The following GRID2 variants were observed in gnomAD, a reference collection of about 807,000 sequenced individuals.
The protein encoded by GRID2 is glutamate ionotropic receptor delta type subunit 2.
Under a neutral mutation model 114.8 loss-of-function variants are expected in GRID2, and 33 were observed. That is an observed-to-expected ratio of 0.29 (90% CI 0.22 to 0.38). GRID2 has a LOEUF of 0.38. Ranked by LOEUF, GRID2 falls within the 10% of genes least tolerant of loss-of-function variation. The pLI, the probability that GRID2 is intolerant of heterozygous loss-of-function variation, is 1.00. For missense variants in GRID2, 1,184 were observed against 1,257.7 expected, an observed-to-expected ratio of 0.94 and a Z score of 0.89; for synonymous variants, 505 against 449.9, an observed-to-expected ratio of 1.12 and a Z score of -1.55.
intron 2 of GRID2, among the ~76,000 whole-genome samples, chr4:92,824,279 T>A (rs1026597687): frequency 6.6e-6 from 1 of 152,172 alleles, no homozygotes; most frequent in Non-Finnish European, 1.5e-5. Flanking sequence ...TATCATTACT[T>A]GTGTATTTGA....
intron 4 of GRID2, among the ~76,000 whole-genome samples, chr4:93,137,998 G>A (rs563977174): frequency 4.5e-5 from 5 of 110,670 alleles, no homozygotes; most frequent in Non-Finnish European, 7.0e-5. Context: ...TTTGAGATAG[G>A]GCCTAGCTCT....
chr4:92,568,562 A>T (rs1216138824), intron 1 of GRID2, among the ~76,000 whole-genome samples: 1 of 152,010 alleles, frequency 6.6e-6, no homozygotes, highest in Non-Finnish European at 1.5e-5. Flanking sequence ...TTTCATTAAA[A>T]AATATGTATT....
intron 13 of GRID2, among the ~76,000 whole-genome samples, chr4:93,564,340 A>T (rs1261393579): frequency 1.3e-5 from 2 of 151,586 alleles, no homozygotes; most frequent in Non-Finnish European, 2.9e-5. Flanking sequence ...TTCCTTTCCT[A>T]TTTCTCAGAT....
At chr4:92,789,193 ATCTG>A (rs748920330) in intron 2 of GRID2, among the ~76,000 whole-genome samples, 2 of 151,538 alleles carry the variant, frequency 1.3e-5, no homozygotes, top group Non-Finnish European at 3.0e-5. Flanking sequence ...TTTGTAAGTG[ATCTG>A]TCTGTCACAC....
At chr4:92,863,022 C>A (rs1235322279) in intron 2 of GRID2, among the ~76,000 whole-genome samples, 2 of 152,044 alleles carry the variant, frequency 1.3e-5, no homozygotes, top group Admixed American at 6.6e-5. Flanking sequence ...TTTAGTCTAT[C>A]AACTGATTAA....
At chr4:92,757,240 T>A (rs904262971) in intron 2 of GRID2, among the ~76,000 whole-genome samples, 8 of 152,080 alleles carry the variant, frequency 5.3e-5, no homozygotes, top group African/African-American at 1.9e-4. Flanking sequence ...GAATACATTG[T>A]GGAGGCCACT....
intron 2 of GRID2, among the ~76,000 whole-genome samples, chr4:93,020,474 A>G (rs1388361625): frequency 2.0e-5 from 3 of 152,210 alleles, no homozygotes. Flanking sequence ...ACTGTGGCAA[A>G]AGGATTCTCA....
intron 2 of GRID2, among the ~76,000 whole-genome samples, chr4:92,710,560 C>G (rs570450894): frequency 6.6e-6 from 1 of 152,262 alleles, no homozygotes; most frequent in South Asian, 2.1e-4. Context: ...GTCCTGGTGA[C>G]GACTACACTT....
At chr4:92,678,738 GCAT>G (rs1733506430) in intron 2 of GRID2, among the ~76,000 whole-genome samples, 1 of 151,876 alleles carries the variant, frequency 6.6e-6, no homozygotes. Context: ...GAGAGTGTAA[GCAT>G]TTATGAAACG....
chr4:92,860,041 T>C (rs1376663103), intron 2 of GRID2, among the ~76,000 whole-genome samples: 2 of 152,184 alleles, frequency 1.3e-5, no homozygotes, highest in Non-Finnish European at 2.9e-5. Context: ...GTAATAATCA[T>C]ATTTAGTACT....
At chr4:93,405,929 G>A (rs1766367187) in intron 9 of GRID2, among the ~76,000 whole-genome samples, 1 of 152,108 alleles carries the variant, frequency 6.6e-6, no homozygotes, top group Non-Finnish European at 1.5e-5. Flanking sequence ...CACATTAGTA[G>A]CTATTAAAGC....
intron 14 of GRID2, among the ~76,000 whole-genome samples, chr4:93,677,155 C>T (rs1445644414): frequency 6.6e-6 from 1 of 152,202 alleles, no homozygotes; most frequent in East Asian, 1.9e-4. Flanking sequence ...GGGTCCTATG[C>T]CCACGGAGGC....
chr4:93,350,763 A>C (rs1760720355), intron 8 of GRID2, among the ~76,000 whole-genome samples: 1 of 152,074 alleles, frequency 6.6e-6, no homozygotes, highest in South Asian at 2.1e-4. Flanking sequence ...GCAGAACCAG[A>C]CACCAAATCC....
intron 2 of GRID2, among the ~76,000 whole-genome samples, chr4:92,723,607 A>T (rs146937255): frequency 5.9e-5 from 9 of 152,246 alleles, no homozygotes; most frequent in Non-Finnish European, 1.0e-4. Flanking sequence ...TTAGGTAGTT[A>T]CTTCTTTATT....
At chr4:93,768,213 G>A (rs1365271596) in intron 14 of GRID2, among the ~76,000 whole-genome samples, 2 of 152,234 alleles carry the variant, frequency 1.3e-5, no homozygotes, top group Non-Finnish European at 2.9e-5. Flanking sequence ...AATAGGCCTG[G>A]CAGGCCCTGG....
chr4:92,411,655 G>GTGTGTGTATATATATA, intron 1 of GRID2, among the ~76,000 whole-genome samples: 8 of 84,688 alleles, frequency 9.4e-5, no homozygotes, highest in African/African-American at 4.1e-4. Context: ...GTGTGTGTGT[G>GTGTGTGTATATATATA]TATATATATA....
At chr4:93,022,908 A>T (rs773560035) in intron 2 of GRID2, among the ~76,000 whole-genome samples, 19 of 152,066 alleles carry the variant, frequency 1.2e-4, no homozygotes, top group Non-Finnish European at 2.2e-4. Flanking sequence ...GTCGTTTTTC[A>T]ATTCAGAATT....
chr4:93,800,315 GA>G (rs1316109459), intron 1 of GRID2, among the ~76,000 whole-genome samples: 1 of 152,208 alleles, frequency 6.6e-6, no homozygotes, highest in Admixed American at 6.5e-5. Context: ...ATGAGGATGG[GA>G]AAATGATATG....
intron 5 of GRID2, among the ~76,000 whole-genome samples, chr4:93,210,413 A>G (rs1387815096): frequency 1.3e-5 from 2 of 152,066 alleles, no homozygotes; most frequent in African/African-American, 2.4e-5. Flanking sequence ...ATGCAGCCTT[A>G]TATCTGGGCA....
Sources: gnomAD v4.1 joint callset for allele counts (sites outside exome capture counted in the v4.1 genomes callset) on GRCh38, gnomAD v4.1.1 for gene constraint, MANE v1.5 for transcripts, NCBI Gene and HGNC (gene_info 2026-07-23, HGNC 2026-07-21) for gene names.